NR5A2: variants seen among roughly 807,000 people sequenced by gnomAD.
NR5A2 encodes the protein nuclear receptor subfamily 5 group A member 2, also known as CYP7A promoter-binding factor.
Under a neutral mutation model 62.7 loss-of-function variants are expected in NR5A2, and 26 were observed. That is an observed-to-expected ratio of 0.41 (90% CI 0.30 to 0.58). The LOEUF is 0.58. Ranked by LOEUF, NR5A2 falls within the 20% of genes least tolerant of loss-of-function variation. NR5A2 has a pLI of 0.22. For missense variants in NR5A2, 541 were observed against 669.1 expected (o/e 0.81, Z 2.11); for synonymous variants, 246 against 241.7 (o/e 1.02, Z -0.16).
chr1:200,037,790 AT>A (rs1407169446), intron 1 of NR5A2, among the ~76,000 whole-genome samples: 2 of 152,220 alleles, frequency 1.3e-5, no homozygotes, highest in African/African-American at 4.8e-5. Flanking sequence ...CTGAATATAT[AT>A]TGAAGAGCAA....
intron 5 of NR5A2, among the ~76,000 whole-genome samples, chr1:200,093,098 A>G (rs1226632959): frequency 6.6e-6 from 1 of 151,660 alleles, no homozygotes; most frequent in Admixed American, 6.6e-5. Flanking sequence ...AGTTTTAGGG[A>G]TTTCACCATG....
chr1:200,140,283 C>T (rs1227358230), intron 7 of NR5A2, among the ~76,000 whole-genome samples: 1 of 151,988 alleles, frequency 6.6e-6, no homozygotes, highest in Non-Finnish European at 1.5e-5. Flanking sequence ...CACTATGTTG[C>T]CCAGGCTGGT....
At chr1:200,104,279 C>T (rs1665539810) in intron 5 of NR5A2, among the ~76,000 whole-genome samples, 1 of 152,142 alleles carries the variant, frequency 6.6e-6, no homozygotes, top group South Asian at 2.1e-4. Flanking sequence ...TTCTCTTGTA[C>T]AGTAGTGTTT....
chr1:200,089,129 G>T (rs1186786345), intron 5 of NR5A2, among the ~76,000 whole-genome samples: 1 of 152,172 alleles, frequency 6.6e-6, no homozygotes, highest in East Asian at 1.9e-4. Context: ...CTCCACAGCA[G>T]CATCGTGAAT....
intron 1 of NR5A2, among the ~76,000 whole-genome samples, chr1:200,028,340 A>T (rs1234595899): frequency 6.6e-6 from 1 of 151,742 alleles, no homozygotes; most frequent in Admixed American, 6.6e-5. Context: ...CAACCCACAC[A>T]AAAGTATGGT....
rs72644152 is a variant in NR5A2, at chr1:200,123,487, G to T, written c.1378+2532G>T. Among the ~76,000 whole-genome samples, 3,090 of 152,274 alleles carry T rather than the reference G, an allele frequency of 0.02. 215 individuals carry two copies. In the East Asian group the frequency reaches 0.25, roughly 12 times the overall value. On this transcript the variant is annotated intron_variant, in intron 7 of 7. Transcript: ENST00000367362. ...GGACATGGACATGAAAGCCACAGAT[G>T]CATTCAACACATACTCATTGAGTGC... is the stretch of plus-strand genomic sequence containing the variant.
intron 7 of NR5A2, among the ~76,000 whole-genome samples, chr1:200,124,693 C>T (rs868715608): frequency 2.6e-5 from 4 of 152,270 alleles, no homozygotes; most frequent in Middle Eastern, 3.4e-3. Context: ...AATCTCACCA[C>T]TTTGGAGGCC....
At chr1:200,076,631 T>A (rs887800196) in intron 5 of NR5A2, among the ~76,000 whole-genome samples, 4 of 152,218 alleles carry the variant, frequency 2.6e-5, no homozygotes, top group African/African-American at 9.6e-5. Flanking sequence ...GTAAATACCT[T>A]ACTTGATTTG....
chr1:200,119,314 T>C (rs1349975750), intron 6 of NR5A2, among the ~76,000 whole-genome samples: 5 of 152,206 alleles, frequency 3.3e-5, no homozygotes, highest in Admixed American at 2.0e-4. Flanking sequence ...GCAAGTGCAG[T>C]CAATTATGGT....
chr1:200,152,276 A>G (rs1043956164), intron 7 of NR5A2, among the ~76,000 whole-genome samples: 3 of 152,182 alleles, frequency 2.0e-5, no homozygotes, highest in Non-Finnish European at 2.9e-5. Context: ...GGAATTCCCA[A>G]TCTTAACATG....
Position 200,039,628 on chromosome 1 carries a change from C to T in NR5A2, c.65-30C>T, listed in dbSNP as rs1661960366. 1.2e-6 allele frequency: 2 copies of T among 1,608,102 alleles called. No individual in the cohort carries two copies. Among genetic ancestry groups the T allele is most frequent in the Non-Finnish European group, 1.7e-6 (2 of 1,177,584 alleles). On this transcript the variant is annotated intron_variant, in intron 1 of 7. Transcript: ENST00000367362. This position sits in a 1 kb window ranked among gnomAD's most constrained non-coding sequence, Gnocchi z 5.1. ...CCGGTCGCCCCTTCCTTCTTTTCGC[C>T]GGAGTTGAATCTGTGCTGCCCGTGT...
intron 6 of NR5A2, among the ~76,000 whole-genome samples, chr1:200,115,241 T>G (rs964339610): frequency 2.6e-5 from 4 of 152,202 alleles, no homozygotes; most frequent in African/African-American, 9.6e-5. Flanking sequence ...AATCAACTTT[T>G]TGTTGAATTC....
intron 7 of NR5A2, among the ~76,000 whole-genome samples, chr1:200,124,566 G>C (rs962308450): frequency 3.3e-5 from 5 of 152,310 alleles, no homozygotes; most frequent in Middle Eastern, 6.8e-3. Flanking sequence ...TCTGTTAGTT[G>C]TTAGTTTTAA....
chr1:200,034,428 C>G (rs1015435477), intron 1 of NR5A2, among the ~76,000 whole-genome samples: 2 of 152,138 alleles, frequency 1.3e-5, no homozygotes, highest in South Asian at 4.1e-4. Context: ...CCGACTATAC[C>G]CTGGCGGGGC....
chr1:200,173,578 T>G (rs1239762260), intron 7 of NR5A2, among the ~76,000 whole-genome samples: 1 of 152,224 alleles, frequency 6.6e-6, no homozygotes, highest in Non-Finnish European at 1.5e-5. Flanking sequence ...TAATACAGAA[T>G]TATATGAATT....
chr1:200,113,073 C>G (rs1666036147), intron 6 of NR5A2, among the ~76,000 whole-genome samples: 1 of 152,148 alleles, frequency 6.6e-6, no homozygotes, highest in Non-Finnish European at 1.5e-5. Flanking sequence ...TTTTCAAAAC[C>G]AAGAACAATC....
At position 200,176,194 on chromosome 1, in the gene NR5A2, A is replaced by G. The variant is rs541519426; in HGVS notation, c.*1984A>G. The G allele has an allele frequency of 4.6e-5, 7 of 152,758 alleles. No homozygotes were observed. The East Asian group carries it at 1.3e-3, about 29-fold the overall frequency. 9.5% of individuals were successfully genotyped at this position (152,758 alleles called of 1,614,324 possible). A position where few individuals can be genotyped will look rare whatever the true frequency, so the allele number is the denominator to read the frequency against. ...GACTTGTAGCTTCCTCTGGTTTTCA[A>G]GTAAACTCAACAAGGTGGAGTCTTA... On this transcript the variant is annotated 3_prime_UTR_variant, in exon 8 of 8. Coordinates refer to ENST00000367362, the MANE Select transcript of NR5A2 (RefSeq NM_205860.3).
At chr1:200,100,656 C>A (rs915508964) in intron 5 of NR5A2, among the ~76,000 whole-genome samples, 1 of 152,164 alleles carries the variant, frequency 6.6e-6, no homozygotes, top group African/African-American at 2.4e-5. Flanking sequence ...TTGCCATCAG[C>A]GTACACTGAG....
chr1:200,141,207 A>G (rs1667430434), intron 7 of NR5A2, among the ~76,000 whole-genome samples: 1 of 152,206 alleles, frequency 6.6e-6, no homozygotes, highest in Non-Finnish European at 1.5e-5. Context: ...TACTACCAAC[A>G]TAATCATGAT....
Sources: allele counts gnomAD v4.1 joint callset (sites outside exome capture counted in the v4.1 genomes callset), GRCh38; gene constraint gnomAD v4.1.1; non-coding constraint Gnocchi (gnomAD v3.1); transcripts MANE v1.5; gene names NCBI Gene and HGNC (gene_info 2026-07-23, HGNC 2026-07-21).